Variants in KIAA0825 observed in about 807,000 individuals in gnomAD.
The protein encoded by KIAA0825 is KIAA0825.
In KIAA0825, 119 loss-of-function variants were observed where a neutral mutation model predicts 147.6. The observed-to-expected ratio is 0.81, with a 90% CI of 0.69 to 0.94. The LOEUF is 0.94. Among genes scored for constraint, KIAA0825 ranks in the 40% least tolerant of loss-of-function variants. The pLI, the probability that KIAA0825 is intolerant of heterozygous loss-of-function variation, is 0.00. For missense variants in KIAA0825, 1,381 were observed against 1,472.7 expected (o/e 0.94, Z 1.02); for synonymous variants, 470 against 518.1 (o/e 0.91, Z 1.26).
intron 2 of KIAA0825, among the ~76,000 whole-genome samples, chr5:94,550,677 C>A (rs2152251926): frequency 6.6e-6 from 1 of 152,166 alleles, no homozygotes; most frequent in Admixed American, 6.5e-5. Context: ...CTCGTCTCAA[C>A]TAAAAATACA....
intron 20 of KIAA0825, among the ~76,000 whole-genome samples, chr5:94,266,733 A>G (rs1210796569): frequency 6.6e-6 from 1 of 152,218 alleles, no homozygotes; most frequent in African/African-American, 2.4e-5. Flanking sequence ...TTCGGGAAAT[A>G]CAGTTTTTTT....
intron 20 of KIAA0825, among the ~76,000 whole-genome samples, chr5:94,236,643 A>T (rs1775056462): frequency 6.6e-6 from 1 of 152,160 alleles, no homozygotes; most frequent in South Asian, 2.1e-4. Flanking sequence ...TTCTACAGAG[A>T]AGTATTTTAT....
chr5:94,478,722 A>G (rs1215758121), intron 6 of KIAA0825, among the ~76,000 whole-genome samples: 1 of 152,206 alleles, frequency 6.6e-6, no homozygotes, highest in African/African-American at 2.4e-5. Flanking sequence ...CAGATTAGTC[A>G]AAGATTTTTA....
chr5:94,395,896 A>G (rs188582539), intron 17 of KIAA0825, among the ~76,000 whole-genome samples: 11 of 152,318 alleles, frequency 7.2e-5, no homozygotes, highest in East Asian at 1.9e-4. Context: ...CAGTGTGTCA[A>G]TGGGGTTCAC....
intron 5 of KIAA0825, among the ~76,000 whole-genome samples, chr5:94,506,665 T>C (rs957481345): frequency 5.9e-5 from 9 of 152,214 alleles, no homozygotes; most frequent in Non-Finnish European, 1.0e-4. Flanking sequence ...CTATTAAATA[T>C]ACTTTTTAAA....
rs575248941 is a variant in KIAA0825 at position 94,157,863 on chromosome 5, A to G, written c.3711-3739T>C. 2.6e-5 allele frequency among the ~76,000 whole-genome samples: 4 copies of G among 152,204 alleles called. No homozygotes were observed. In the East Asian group the frequency reaches 7.7e-4, roughly 29 times the overall value. On this transcript the variant is annotated intron_variant, in intron 20 of 20. Coordinates refer to ENST00000682413, the MANE Select transcript of KIAA0825 (RefSeq NM_001145678.3). ...TTAGGGACATGCATAGTAAAACATG[A>G]GGTATATCCTTGGTAGCATTGGTCC...
intron 20 of KIAA0825, among the ~76,000 whole-genome samples, chr5:94,362,148 A>G (rs1030576531): frequency 6.6e-6 from 1 of 152,222 alleles, no homozygotes; most frequent in Non-Finnish European, 1.5e-5. Context: ...CTACAAGGCC[A>G]TTTGATCTAT....
chr5:94,297,085 T>G (rs1778171308), intron 20 of KIAA0825, among the ~76,000 whole-genome samples: 1 of 152,212 alleles, frequency 6.6e-6, no homozygotes, highest in South Asian at 2.1e-4. Flanking sequence ...AATAAACATT[T>G]TATTCAACAT....
intron 20 of KIAA0825, among the ~76,000 whole-genome samples, chr5:94,177,639 G>A (rs1213925779): frequency 6.6e-6 from 1 of 152,044 alleles, no homozygotes; most frequent in African/African-American, 2.4e-5. Context: ...CTTCAAACCA[G>A]GAGCCTTAAT....
chr5:94,198,846 A>G (rs1771391825), intron 20 of KIAA0825, among the ~76,000 whole-genome samples: 1 of 152,214 alleles, frequency 6.6e-6, no homozygotes, highest in Admixed American at 6.5e-5. Flanking sequence ...TTCTGCTATC[A>G]ACACTTTCAA....
intron 20 of KIAA0825, among the ~76,000 whole-genome samples, chr5:94,200,023 T>C (rs1771517443): frequency 6.6e-6 from 1 of 152,148 alleles, no homozygotes; most frequent in South Asian, 2.1e-4. Flanking sequence ...TCTCCAGGTC[T>C]GGCAGCTAAC....
chr5:94,429,271 T>C lies in KIAA0825; in HGVS notation c.2497+10711A>G, dbSNP rs914322436. On this transcript the variant is annotated intron_variant, in intron 14 of 20. Coordinates refer to ENST00000682413, the MANE Select transcript of KIAA0825 (RefSeq NM_001145678.3). Reference sequence around the variant, plus strand: ...GGTGTCACTATATTTAGATTTTTCATTGTGCCAAAATTCTTGTGCTGTTTC... The same window carrying C: ...GGTGTCACTATATTTAGATTTTTCACTGTGCCAAAATTCTTGTGCTGTTTC... Among the ~76,000 whole-genome samples, 6 of 152,346 alleles carry C rather than the reference T, an allele frequency of 3.9e-5. No homozygotes were observed. In the South Asian group the frequency reaches 1.2e-3, roughly 32 times the overall value.
At chr5:94,183,882 G>A (rs1019594609) in intron 20 of KIAA0825, among the ~76,000 whole-genome samples, 6 of 152,040 alleles carry the variant, frequency 3.9e-5, no homozygotes, top group Non-Finnish European at 7.4e-5. Flanking sequence ...ATAAACTTAA[G>A]TGTTTCCCTG....
rs369692250 is a variant in KIAA0825 at position 94,262,713 on chromosome 5, C to T, written c.3711-108589G>A. On this transcript the variant is annotated intron_variant, in intron 20 of 20. Coordinates refer to ENST00000682413, the MANE Select transcript of KIAA0825 (RefSeq NM_001145678.3). ...TCGATATGCCTTATTTGTGTAAAAACGTATATGTTTGTGTATCTATGTCCC... is the reference window on the plus strand; with the variant it reads ...TCGATATGCCTTATTTGTGTAAAAATGTATATGTTTGTGTATCTATGTCCC... Among the ~76,000 whole-genome samples, 13 of 152,068 alleles carry T rather than the reference C, an allele frequency of 8.5e-5. No individual in the cohort carries two copies. The South Asian group carries it at 1.7e-3, about 19-fold the overall frequency.
chr5:94,331,888 T>C (rs1233176532), intron 20 of KIAA0825, among the ~76,000 whole-genome samples: 1 of 152,056 alleles, frequency 6.6e-6, no homozygotes. Context: ...GGCTCACACC[T>C]GTAATCCCAG....
intron 2 of KIAA0825, chr5:94,567,821 C>T (rs751544058): frequency 3.2e-5 from 5 of 154,696 alleles, no homozygotes; most frequent in Non-Finnish European, 5.7e-5. Flanking sequence ...AGGTCTTCAT[C>T]CCTGACTCCC....
chr5:94,572,746 G>T (rs1353643890), intron 2 of KIAA0825, among the ~76,000 whole-genome samples: 1 of 152,102 alleles, frequency 6.6e-6, no homozygotes, highest in Non-Finnish European at 1.5e-5. Flanking sequence ...TAAACTATTA[G>T]CAGTGCTTAT....
chr5:94,270,225 A>G (rs532714548), intron 20 of KIAA0825, among the ~76,000 whole-genome samples: 73 of 152,254 alleles, frequency 4.8e-4, no homozygotes, highest in Admixed American at 4.3e-3. Flanking sequence ...CCAAAACAGT[A>G]TGGTATCAGC....
At chr5:94,322,965 G>A (rs2150251449) in intron 20 of KIAA0825, among the ~76,000 whole-genome samples, 1 of 151,504 alleles carries the variant, frequency 6.6e-6, no homozygotes. Flanking sequence ...TGATTTCTTG[G>A]GTTTTTTAAA....
Sources: allele counts gnomAD v4.1 joint callset (sites outside exome capture counted in the v4.1 genomes callset), GRCh38; gene constraint gnomAD v4.1.1; transcripts MANE v1.5; gene names NCBI Gene and HGNC (gene_info 2026-07-23, HGNC 2026-07-21).